The following PFKM variants were observed in gnomAD, a reference collection of about 807,000 sequenced individuals.
PFKM encodes ATP-dependent 6-phosphofructokinase, muscle type.
Under a neutral mutation model 95.5 loss-of-function variants are expected in PFKM, and 58 were observed. That is an observed-to-expected ratio of 0.61 (90% CI 0.49 to 0.76). PFKM has a LOEUF of 0.76. Ranked by LOEUF, PFKM falls within the 30% of genes least tolerant of loss-of-function variation. The pLI is 0.00. For synonymous variants in PFKM, 336 were observed against 357.2 expected (o/e 0.94, Z 0.67); for missense variants, 678 against 1,005.4 (o/e 0.67, Z 4.40).
intron 4 of PFKM, chr12:48,132,057 G>A (rs962150148): frequency 2.2e-6 from 1 of 455,908 alleles, no homozygotes; most frequent in Non-Finnish European, 4.4e-6. Context: ...AATTTAATAT[G>A]CAGTGTCTAG....
At chr12:48,125,300 T>C (rs1948713387) in intron 2 of PFKM, 3 of 449,772 alleles carry the variant, frequency 6.7e-6, no homozygotes, top group Non-Finnish European at 1.3e-5. Context: ...AATGTATGTT[T>C]ATCTTTTTGA....
intron 10 of PFKM, among the ~76,000 whole-genome samples, chr12:48,136,119 C>T (rs1309567691): frequency 6.6e-6 from 1 of 152,144 alleles, no homozygotes. Context: ...GATCTCCTGA[C>T]CTTGTGATCC....
chr12:48,137,878 ACT>A, intron 11 of PFKM, 32 bp downstream of exon 11: 7 of 1,612,496 alleles, frequency 4.3e-6, no homozygotes, highest in Non-Finnish European at 5.9e-6. Flanking sequence ...CTTTCTTAAC[ACT>A]CTCAAGCCCC....
At chr12:48,116,549 G>A (rs1413301215), upstream of PFKM, among the ~76,000 whole-genome samples, 1 of 152,112 alleles carries the variant, frequency 6.6e-6, no homozygotes, top group Non-Finnish European at 1.5e-5. Flanking sequence ...CGCAATCTCG[G>A]CTCACTGCAA....
rs868345157 is a variant in PFKM at position 48,122,956 on chromosome 12, G to A, written c.85+97G>A. Reference sequence around the variant, plus strand: ...TAGAATTATTCTTCTGTAGGTTCACGGGAATTTTGGGCTTTGCTAAAAATT... The same window carrying A: ...TAGAATTATTCTTCTGTAGGTTCACAGGAATTTTGGGCTTTGCTAAAAATT... On this transcript the variant is annotated intron_variant, in intron 2 of 22. Transcript: ENST00000359794. The A allele has an allele frequency of 5.6e-5, 70 of 1,244,978 alleles. No homozygotes were observed. In the Middle Eastern group the frequency reaches 9.6e-4, roughly 17 times the overall value. 77.1% of individuals were successfully genotyped at this position (1,244,978 alleles called of 1,614,324 possible). A position where few individuals can be genotyped will look rare whatever the true frequency, so the allele number is the denominator to read the frequency against.
At chr12:48,131,101 A>G (rs1949433562) in intron 3 of PFKM, among the ~76,000 whole-genome samples, 1 of 152,242 alleles carries the variant, frequency 6.6e-6, no homozygotes, top group South Asian at 2.1e-4. Context: ...ACATCCCAGT[A>G]TTTCAAAAAT....
In PFKM at chr12:48,110,162, G is replaced by A. The variant is rs578044244; in HGVS notation, c.205+1968G>A. On this transcript the variant is annotated intron_variant, in intron 3 of 24. Transcript: ENST00000340802. ...TCAGGAAGACCTGAGGGATGAGTATGCATTAGCCAGGCAAAGAGAGAAGAG... is the reference window on the plus strand; with the variant it reads ...TCAGGAAGACCTGAGGGATGAGTATACATTAGCCAGGCAAAGAGAGAAGAG... Among the ~76,000 whole-genome samples the A allele has an allele frequency of 3.3e-5, 5 of 152,296 alleles. No homozygotes were observed. The South Asian group carries it at 1.0e-3, about 32-fold the overall frequency.
rs1241248823 is a variant in PFKM at position 48,139,860 on chromosome 12, A to C, written c.1139A>C (p.Asn380Thr). 1 of 1,611,150 alleles carries C rather than the reference A, an allele frequency of 6.2e-7. No individual in the cohort carries two copies. The highest frequency in any genetic ancestry group is 1.3e-5 in the African/African-American group (1 of 74,870). The part of the protein sequence containing the change: ...ALKLRGRSFM[N>T]NWEVYKLLAH... ...TGTACTTCCTACAGGAGCTTCATGAACAACTGGGAGGTGTACAAGCTTCTA... is the reference window on the plus strand; with the variant it reads ...TGTACTTCCTACAGGAGCTTCATGACCAACTGGGAGGTGTACAAGCTTCTA... Residue 380 changes from asparagine to threonine, a missense_variant, in exon 13 of 23, where the codon AAC becomes ACC. Coordinates refer to ENST00000359794, the MANE Select transcript of PFKM (RefSeq NM_000289.6).
At position 48,130,413 on chromosome 12, in the gene PFKM, G is replaced by T. The variant is rs768986516; in HGVS notation, c.136G>T (p.Ala46Ser). 1 of 1,613,422 alleles carries T rather than the reference G, an allele frequency of 6.2e-7. No homozygotes were observed. The highest frequency in any genetic ancestry group is 8.5e-7 in the Non-Finnish European group (1 of 1,179,350). Residue 46 changes from alanine (A) to serine (S), a missense_variant, in exon 3 of 23, where the codon GCC (alanine) becomes TCC (serine). Transcript: ENST00000359794. ...GGTTCGAGTTGGTATCTTCACCGGT[G>T]CCCGTGTCTTCTTTGTCCATGAGGT... ...AVVRVGIFTGARVFFVHEGYQ... is the reference protein window; with the variant it reads ...AVVRVGIFTGSRVFFVHEGYQ...
At chr12:48,126,741 A>C (rs1428808424) in intron 2 of PFKM, among the ~76,000 whole-genome samples, 1 of 152,300 alleles carries the variant, frequency 6.6e-6, no homozygotes, top group East Asian at 1.9e-4. Flanking sequence ...GAAATTACAA[A>C]TTCATACTCC....
chr12:48,114,624 A>G (rs1371743125), upstream of PFKM, among the ~76,000 whole-genome samples: 1 of 152,086 alleles, frequency 6.6e-6, no homozygotes, highest in African/African-American at 2.4e-5. Flanking sequence ...AGACTCAGCA[A>G]CGCTTGGGGT....
At chr12:48,112,718 A>G (rs1947314941) in intron 3 of PFKM, among the ~76,000 whole-genome samples, 1 of 152,340 alleles carries the variant, frequency 6.6e-6, no homozygotes, top group South Asian at 2.1e-4. Context: ...AATTTGGTTG[A>G]TAAGGCGCAG....
intron 2 of PFKM, chr12:48,125,256 C>G (rs962935728): frequency 2.3e-6 from 1 of 429,796 alleles, no homozygotes. Context: ...GTCATCTGCT[C>G]TGGCCCTCTG....
intron 15 of PFKM, 47 bp from the exon 16 acceptor site, chr12:48,141,693 C>T (rs1007127309): frequency 3.6e-6 from 5 of 1,403,852 alleles, no homozygotes; most frequent in Admixed American, 1.7e-5. Context: ...TGTCTCTTCC[C>T]CAAATTCCAA....
At chr12:48,119,521 A>C in intron 1 of PFKM, 115 bp downstream of exon 1, 1 of 554,472 alleles carries the variant, frequency 1.8e-6, no homozygotes, top group Non-Finnish European at 2.3e-6. Context: ...AAAAGAAGAG[A>C]TACGGCATCC....
chr12:48,131,766 A>C lies in PFKM; in HGVS notation c.237+373A>C, dbSNP rs1257628307. Reference sequence around the variant, plus strand: ...GTGGAGCTGAAATCTGCCAGTCCTCATGTGATGGAGATGAGGTGACCTGAA... The same window carrying C: ...GTGGAGCTGAAATCTGCCAGTCCTCCTGTGATGGAGATGAGGTGACCTGAA... On this transcript the variant is annotated intron_variant, in intron 4 of 22. Transcript: ENST00000359794. 3.3e-5 allele frequency: 12 copies of C among 366,660 alleles called. No homozygotes were observed. The Admixed American group carries it at 4.1e-4, about 13-fold the overall frequency. 22.7% of individuals were successfully genotyped at this position (366,660 alleles called of 1,614,324 possible). A position where few individuals can be genotyped will look rare whatever the true frequency, so the allele number is the denominator to read the frequency against.
At chr12:48,120,099 T>G (rs1414959678) in intron 1 of PFKM, among the ~76,000 whole-genome samples, 1 of 152,196 alleles carries the variant, frequency 6.6e-6, no homozygotes, top group East Asian at 1.9e-4. Flanking sequence ...TGTTTTTTCC[T>G]TTCCACCTTT....
exon 3 of PFKM, chr12:48,108,102 T>C (rs764235346): frequency 6.3e-6 from 10 of 1,599,292 alleles, no homozygotes; most frequent in Non-Finnish European, 8.5e-6. Flanking sequence ...AGCATGCTCA[T>C]ACCAAAGCCA....
At position 48,146,093 on chromosome 12, in the gene PFKM, C is replaced by T; in HGVS notation, c.*385C>T. 1 of 265,746 alleles carries T rather than the reference C, an allele frequency of 3.8e-6. No individual in the cohort carries two copies. The highest frequency in any genetic ancestry group is 7.4e-6 in the Non-Finnish European group (1 of 135,190). The allele number at this position is 265,746 out of a possible 1,614,324, so 16.5% of individuals were successfully genotyped here. A position where few individuals can be genotyped will look rare whatever the true frequency, so the allele number is the denominator to read the frequency against. Reference sequence around the variant, plus strand: ...TTGTAACTACACTAATAAATGCCAACTGGTCACTGTGCTTTTGCTTCTCCT... The same window carrying T: ...TTGTAACTACACTAATAAATGCCAATTGGTCACTGTGCTTTTGCTTCTCCT... On this transcript the variant is annotated 3_prime_UTR_variant, in exon 23 of 23. Coordinates refer to ENST00000359794, the MANE Select transcript of PFKM (RefSeq NM_000289.6).
Sources: allele counts gnomAD v4.1 joint callset (sites outside exome capture counted in the v4.1 genomes callset), GRCh38; gene constraint gnomAD v4.1.1; transcripts MANE v1.5; gene names NCBI Gene and HGNC (gene_info 2026-07-23, HGNC 2026-07-21).